The following DNAH7 variants were observed in gnomAD, a reference collection of about 807,000 sequenced individuals.
DNAH7 encodes the protein dynein axonemal heavy chain 7.
DNAH7 carries 397 observed loss-of-function variants against 444.6 expected under a neutral mutation model. The ratio of observed to expected loss-of-function variants is 0.89; its 90% CI spans 0.82 to 0.97. DNAH7 has a LOEUF of 0.97. Ranked by LOEUF, DNAH7 falls within the 50% of genes least tolerant of loss-of-function variation. The pLI is 0.00. For synonymous variants in DNAH7, 1,636 were observed against 1,624.4 expected (o/e 1.01, Z -0.17); for missense variants, 4,902 against 4,800.8 (o/e 1.02, Z -0.62).
At chr2:195,832,511 T>C (rs1213266192) in intron 48 of DNAH7, among the ~76,000 whole-genome samples, 7 of 151,808 alleles carry the variant, frequency 4.6e-5, no homozygotes, top group Admixed American at 4.6e-4. Flanking sequence ...GGTGTTATCA[T>C]AGCTCACTGC....
chr2:195,880,974 C>G (rs1017139603), intron 36 of DNAH7, among the ~76,000 whole-genome samples: 19 of 151,708 alleles, frequency 1.3e-4, no homozygotes, highest in Non-Finnish European at 1.9e-4. Flanking sequence ...ATAAATCTCT[C>G]AGCTTTCTGT....
intron 63 of DNAH7, among the ~76,000 whole-genome samples, chr2:195,751,776 A>C (rs532665795): frequency 5.3e-5 from 8 of 152,290 alleles, no homozygotes; most frequent in African/African-American, 1.4e-4. Flanking sequence ...CCTCATTGTC[A>C]CCATAAGGGG....
At chr2:195,797,811 A>G (rs969445302) in intron 55 of DNAH7, among the ~76,000 whole-genome samples, 1 of 152,128 alleles carries the variant, frequency 6.6e-6, no homozygotes, top group African/African-American at 2.4e-5. Context: ...CCATCTTCCC[A>G]TCTTACTCAA....
At chr2:195,994,583 CT>C in intron 12 of DNAH7, 2 of 487,262 alleles carry the variant, frequency 4.1e-6, no homozygotes, top group South Asian at 3.4e-5. Flanking sequence ...GTGTTTCCAT[CT>C]CTTCCGGACA....
chr2:196,021,569 C>T lies in DNAH7; in HGVS notation c.744-2274G>A, dbSNP rs112754329. 3.7e-3 allele frequency among the ~76,000 whole-genome samples: 557 copies of T among 152,106 alleles called. 6 individuals carry two copies. Among genetic ancestry groups the T allele is most frequent in the African/African-American group, 0.013 (524 of 41,468 alleles). ...GCACAGAGGCTCACACCTGTAATCCCAGCACTTTGGGAGGCCAAGGTGGGA... is the reference window on the plus strand; with the variant it reads ...GCACAGAGGCTCACACCTGTAATCCTAGCACTTTGGGAGGCCAAGGTGGGA... On this transcript the variant is annotated intron_variant, in intron 8 of 64. Transcript: ENST00000312428.
At chr2:195,746,097 G>T (rs1199045272) in intron 63 of DNAH7, among the ~76,000 whole-genome samples, 1 of 152,192 alleles carries the variant, frequency 6.6e-6, no homozygotes, top group East Asian at 1.9e-4. Context: ...GCTGTATTCA[G>T]GAAATCCATC....
At chr2:195,952,892 G>A (rs992228096) in intron 19 of DNAH7, among the ~76,000 whole-genome samples, 1 of 152,074 alleles carries the variant, frequency 6.6e-6, no homozygotes, top group Admixed American at 6.6e-5. Context: ...CCTTTAGCTT[G>A]GAGGAGTTTG....
At chr2:195,953,379 T>C (rs1020569329) in intron 19 of DNAH7, among the ~76,000 whole-genome samples, 4 of 152,162 alleles carry the variant, frequency 2.6e-5, no homozygotes, top group Non-Finnish European at 5.9e-5. Context: ...TGACCCTGGC[T>C]GGGAGGTATT....
intron 40 of DNAH7, among the ~76,000 whole-genome samples, chr2:195,870,393 G>A (rs1361493676): frequency 6.6e-6 from 1 of 151,990 alleles, no homozygotes; most frequent in Non-Finnish European, 1.5e-5. Flanking sequence ...AAGGAAGGAA[G>A]TGGGCAAGCC....
chr2:195,752,270 C>CAAAA (rs67890551), intron 63 of DNAH7, among the ~76,000 whole-genome samples: 5 of 132,698 alleles, frequency 3.8e-5, no homozygotes, highest in Admixed American at 7.6e-5. Flanking sequence ...GACCCTATCT[C>CAAAA]AAAAAAAAAA....
chr2:195,827,076 A>G (rs1355491805), intron 48 of DNAH7, among the ~76,000 whole-genome samples: 1 of 152,180 alleles, frequency 6.6e-6, no homozygotes, highest in Non-Finnish European at 1.5e-5. Context: ...TATAACCACA[A>G]CAGAGGTTAG....
At chr2:195,980,127 A>T (rs1276934583) in intron 15 of DNAH7, among the ~76,000 whole-genome samples, 1 of 150,936 alleles carries the variant, frequency 6.6e-6, no homozygotes, top group African/African-American at 2.4e-5. Context: ...TCCCCACCCA[A>T]ATCTCATCTT....
At chr2:195,895,293 TGGA>T in intron 29 of DNAH7, 69 bp from the exon 30 acceptor site, 1 of 1,049,392 alleles carries the variant, frequency 9.5e-7, no homozygotes, top group Non-Finnish European at 1.3e-6. Flanking sequence ...TTTGTATTGA[TGGA>T]AATAGGGCCA....
intron 63 of DNAH7, among the ~76,000 whole-genome samples, chr2:195,751,915 G>T (rs559290744): frequency 1.3e-5 from 2 of 152,204 alleles, no homozygotes; most frequent in South Asian, 4.2e-4. Context: ...ACAAATTAAG[G>T]GCAATAAGTG....
Position 195,926,552 on chromosome 2 carries a change from T to G in DNAH7, c.3486A>C (p.Ala1162=), listed in dbSNP as rs1489802. 0.62 allele frequency: 983,898 copies of G among 1,591,136 alleles called. 314,517 individuals carry two copies. The highest frequency in any genetic ancestry group is 0.65 in the Non-Finnish European group (761,287 of 1,170,386). ...INSIHKVTGD[A]TFAYTKYERI... Reference sequence around the variant, plus strand: ...GTTCATATTTTGTATAGGCAAAAGTTGCATCTCCAGTTACCTAATCAAAAA... The same window carrying G: ...GTTCATATTTTGTATAGGCAAAAGTGGCATCTCCAGTTACCTAATCAAAAA... The change falls in exon 22 of 65, where the codon GCA becomes GCC. Residue 1162 remains alanine, a synonymous_variant. Transcript: ENST00000312428.
At chr2:195,899,825 TAC>T (rs1488422900) in intron 28 of DNAH7, among the ~76,000 whole-genome samples, 13 of 152,194 alleles carry the variant, frequency 8.5e-5, no homozygotes, top group African/African-American at 3.1e-4. Flanking sequence ...TTTCATATAT[TAC>T]AGTTATAATT....
At chr2:195,826,314 C>G (rs1258559703) in intron 48 of DNAH7, among the ~76,000 whole-genome samples, 1 of 152,198 alleles carries the variant, frequency 6.6e-6, no homozygotes, top group Non-Finnish European at 1.5e-5. Flanking sequence ...CAAAATATCA[C>G]TGTATTTACA....
At chr2:195,931,386 G>C (rs934138119) in intron 21 of DNAH7, among the ~76,000 whole-genome samples, 2 of 151,984 alleles carry the variant, frequency 1.3e-5, no homozygotes, top group African/African-American at 2.4e-5. Context: ...TGTTCACTCT[G>C]ATGGTAGTTT....
Position 195,808,761 on chromosome 2 carries a change from T to C in DNAH7, c.10004A>G (p.Asp3335Gly), listed in dbSNP as rs1432871114. The C allele has an allele frequency of 1.2e-6, 2 of 1,614,070 alleles. No homozygotes were observed. The highest frequency in any genetic ancestry group is 2.2e-5 in the South Asian group (2 of 91,080). The change falls in exon 53 of 65, where the codon GAT (aspartate) becomes GGT (glycine). Residue 3335 changes from aspartate (D) to glycine (G), a missense_variant. Asp to Gly is a moderately conservative substitution (Grantham distance 94). Transcript: ENST00000312428. ...QKSWDEICRL[D>G]DLPAFKTIRR... ...AATGGTTTTGAAGGCAGGCAAATCA[T>C]CTAATCGACATATTTCATCCCAGGA... is the stretch of plus-strand genomic sequence containing the variant.
Sources: gnomAD v4.1 joint callset for allele counts (sites outside exome capture counted in the v4.1 genomes callset) on GRCh38, gnomAD v4.1.1 for gene constraint, MANE v1.5 for transcripts, NCBI Gene and HGNC (gene_info 2026-07-23, HGNC 2026-07-21) for gene names.